Variants in SLC8A1 observed in about 807,000 individuals in gnomAD.
The protein encoded by SLC8A1 is solute carrier family 8 member A1, also known as sodium/calcium exchanger 1.
SLC8A1 carries 18 observed loss-of-function variants against 68.3 expected under a neutral mutation model. The ratio of observed to expected loss-of-function variants is 0.26; its 90% CI spans 0.18 to 0.39. The LOEUF (loss-of-function observed/expected upper bound fraction) is 0.39. SLC8A1 is among the 10% of genes least tolerant of loss of function. SLC8A1 has a pLI of 1.00. For missense variants in SLC8A1, 985 were observed against 1,156.7 expected (o/e 0.85, Z 2.15); for synonymous variants, 475 against 415.5 (o/e 1.14, Z -1.74).
chr2:40,413,047 C>A (rs1692675937), intron 2 of SLC8A1, among the ~76,000 whole-genome samples: 1 of 152,124 alleles, frequency 6.6e-6, no homozygotes, highest in South Asian at 2.1e-4. Flanking sequence ...TGCTACCCCT[C>A]CTCCCTCTCA....
At position 40,163,552 on chromosome 2, in the gene SLC8A1, C is replaced by T. The variant is rs1302514293; in HGVS notation, c.2061+1302G>A. Reference sequence around the variant, plus strand: ...ACCAGAAATGGACAGTCTGAGATTCCCCGACTTCTGGAATTACAGGGAACT... The same window carrying T: ...ACCAGAAATGGACAGTCTGAGATTCTCCGACTTCTGGAATTACAGGGAACT... On this transcript the variant is annotated intron_variant, in intron 5 of 7. Transcript: ENST00000406785. Among the ~76,000 whole-genome samples the T allele has an allele frequency of 2.0e-5, 3 of 152,040 alleles. No individual in the cohort carries two copies. In the East Asian group the frequency reaches 5.8e-4, roughly 29 times the overall value.
At chr2:40,165,464 A>G (rs2046389517) in intron 4 of SLC8A1, among the ~76,000 whole-genome samples, 1 of 152,144 alleles carries the variant, frequency 6.6e-6, no homozygotes, top group Admixed American at 6.5e-5. Context: ...CTGAGGCCCA[A>G]AGAGATGGGG....
chr2:40,142,789 T>G (rs2148311573), intron 6 of SLC8A1, among the ~76,000 whole-genome samples: 1 of 152,332 alleles, frequency 6.6e-6, no homozygotes, highest in South Asian at 2.1e-4. Flanking sequence ...GTTATCATTA[T>G]TTCCCTCCAT....
intron 2 of SLC8A1, among the ~76,000 whole-genome samples, chr2:40,311,649 A>G (rs2073694335): frequency 6.6e-6 from 1 of 152,134 alleles, no homozygotes; most frequent in South Asian, 2.1e-4. Context: ...TGACAATTGT[A>G]TCCCCAAGTA....
rs115148864 is a variant in SLC8A1, at chr2:40,474,201, T to A, written c.-25+38148A>T. On this transcript the variant is annotated intron_variant, in intron 1 of 7. Transcript: ENST00000402441. ...ATATGATTTTAAATATATGGCATCCTGGCTTGGGAAACATCAGGAGATTAT... is the reference window on the plus strand; with the variant it reads ...ATATGATTTTAAATATATGGCATCCAGGCTTGGGAAACATCAGGAGATTAT... Among the ~76,000 whole-genome samples the A allele has an allele frequency of 3.6e-3, 554 of 152,322 alleles. 3 individuals are homozygous for A. The highest frequency in any genetic ancestry group is 0.013 in the African/African-American group (525 of 41,570).
chr2:40,421,379 C>T (rs1465013182), intron 2 of SLC8A1, among the ~76,000 whole-genome samples: 2 of 152,246 alleles, frequency 1.3e-5, no homozygotes, highest in African/African-American at 4.8e-5. Flanking sequence ...TCCTCCTAAG[C>T]CCATCTTTAT....
intron 7 of SLC8A1, among the ~76,000 whole-genome samples, chr2:40,117,481 C>A (rs1192066315): frequency 6.9e-6 from 1 of 145,910 alleles, no homozygotes; most frequent in Non-Finnish European, 1.5e-5. Flanking sequence ...ATGAGAATTG[C>A]TTGAACCCGG....
At chr2:40,183,835 C>T (rs374619493) in intron 2 of SLC8A1, among the ~76,000 whole-genome samples, 2 of 152,156 alleles carry the variant, frequency 1.3e-5, no homozygotes, top group East Asian at 3.9e-4. Context: ...TCAAATTCTG[C>T]TTGTGGGAGC....
intron 2 of SLC8A1, among the ~76,000 whole-genome samples, chr2:40,215,773 G>A (rs1485816884): frequency 1.3e-5 from 2 of 151,714 alleles, no homozygotes; most frequent in African/African-American, 4.8e-5. Flanking sequence ...TTACAGGTCT[G>A]AGCCACTGTG....
chr2:40,475,164 C>T (rs530780756), intron 1 of SLC8A1, among the ~76,000 whole-genome samples: 71 of 152,260 alleles, frequency 4.7e-4, no homozygotes, highest in African/African-American at 1.1e-3. Context: ...GACGGAGTCT[C>T]GCTCTGTCGC....
chr2:40,283,309 A>T (rs948661241), intron 2 of SLC8A1, among the ~76,000 whole-genome samples: 15 of 152,220 alleles, frequency 9.9e-5, no homozygotes, highest in African/African-American at 3.6e-4. Flanking sequence ...TGCTATTATT[A>T]TCTCTGATTA....
intron 1 of SLC8A1, among the ~76,000 whole-genome samples, chr2:40,461,483 T>C (rs962006520): frequency 6.6e-5 from 10 of 152,138 alleles, no homozygotes; most frequent in Non-Finnish European, 1.5e-4. Context: ...TTCTATGACA[T>C]AGAACTGACT....
chr2:40,306,788 G>A (rs1451745456), intron 2 of SLC8A1, among the ~76,000 whole-genome samples: 1 of 152,150 alleles, frequency 6.6e-6, no homozygotes, highest in Non-Finnish European at 1.5e-5. Context: ...GGTTGGCCAG[G>A]TGAAGTAACA....
At chr2:40,387,431 CT>C (rs957379337) in intron 2 of SLC8A1, among the ~76,000 whole-genome samples, 3 of 150,754 alleles carry the variant, frequency 2.0e-5, no homozygotes, top group South Asian at 2.1e-4. Flanking sequence ...AAAACTCAAA[CT>C]TTTTTTTTCC....
Position 40,407,453 on chromosome 2 carries a change from G to T in SLC8A1, c.1808+21020C>A, listed in dbSNP as rs952228587. 2.0e-5 allele frequency among the ~76,000 whole-genome samples: 3 copies of T among 152,248 alleles called. No individual in the cohort carries two copies. The East Asian group carries it at 5.8e-4, about 29-fold the overall frequency. ...CTATACTTCCTTCACTTCTTCAAAC[G>T]TCAGTGGTTTCTTTTTTATTGGTAG... On this transcript the variant is annotated intron_variant, in intron 2 of 7. Coordinates refer to ENST00000406785, the Ensembl canonical transcript of SLC8A1.
At chr2:40,414,729 G>C (rs1194376158) in intron 2 of SLC8A1, among the ~76,000 whole-genome samples, 1 of 151,808 alleles carries the variant, frequency 6.6e-6, no homozygotes, top group Non-Finnish European at 1.5e-5. Flanking sequence ...TGATTAATTT[G>C]CCATACATTT....
intron 2 of SLC8A1, among the ~76,000 whole-genome samples, chr2:40,321,263 AT>A (rs2075152506): frequency 6.6e-6 from 1 of 152,128 alleles, no homozygotes; most frequent in Non-Finnish European, 1.5e-5. Flanking sequence ...AAGGAATGTA[AT>A]TGTTTTTTCT....
At chr2:40,377,639 T>C (rs1453647168) in intron 2 of SLC8A1, among the ~76,000 whole-genome samples, 1 of 152,094 alleles carries the variant, frequency 6.6e-6, no homozygotes, top group Non-Finnish European at 1.5e-5. Context: ...AAAATAGATT[T>C]CCACCATAGA....
intron 2 of SLC8A1, among the ~76,000 whole-genome samples, chr2:40,256,851 T>C (rs752852088): frequency 1.1e-4 from 16 of 152,146 alleles, no homozygotes; most frequent in South Asian, 2.1e-4. Flanking sequence ...TTCTGCCACC[T>C]GGGACAGCCT....
Sources: gnomAD v4.1 joint callset for allele counts (sites outside exome capture counted in the v4.1 genomes callset) on GRCh38, gnomAD v4.1.1 for gene constraint, MANE v1.5 for transcripts, NCBI Gene and HGNC (gene_info 2026-07-23, HGNC 2026-07-21) for gene names.